The following TARBP1 variants were observed in gnomAD, a reference collection of about 807,000 sequenced individuals.
The protein encoded by TARBP1 is tRNA (guanosine(18)-2'-O)-methyltransferase TARBP1.
Under a neutral mutation model 178.6 loss-of-function variants are expected in TARBP1, and 144 were observed. The observed-to-expected ratio is 0.81, with a 90% CI of 0.70 to 0.93. The LOEUF is 0.93. Ranked by LOEUF, TARBP1 falls within the 40% of genes least tolerant of loss-of-function variation. The pLI, the probability that TARBP1 is intolerant of heterozygous loss-of-function variation, is 0.00. For missense variants in TARBP1, 2,067 were observed against 2,011.7 expected (o/e 1.03, Z -0.53); for synonymous variants, 787 against 781.0 (o/e 1.01, Z -0.13).
intron 26 of TARBP1, among the ~76,000 whole-genome samples, chr1:234,395,744 G>C (rs1017458548): frequency 1.3e-5 from 2 of 152,168 alleles, no homozygotes; most frequent in Admixed American, 1.3e-4. Context: ...TCTGGGAGAG[G>C]ATGAAGAGTG....
Position 234,427,396 on chromosome 1 carries a change from T to TA in TARBP1, c.3252-9dup, listed in dbSNP as rs759325110. 9 of 1,599,758 alleles carry TA rather than the reference T, an allele frequency of 5.6e-6. No homozygotes were observed. Among genetic ancestry groups the TA allele is most frequent in the Non-Finnish European group, 7.7e-6 (9 of 1,174,664 alleles). On this transcript the variant is annotated splice_polypyrimidine_tract_variant and intron_variant, in intron 18 of 29. Transcript: ENST00000040877. Reference sequence around the variant, plus strand: ...TGTACATCCTGAACAAGTCTTTCCATAAAAAACATTTGATAAAGAACAACA... The same window carrying TA: ...TGTACATCCTGAACAAGTCTTTCCATAAAAAAACATTTGATAAAGAACAACA...
chr1:234,479,090 A>C lies in TARBP1; in HGVS notation c.14T>G (p.Leu5Arg). MEWVLAEALLSQSRD... is the reference protein window; with the variant it reads MEWVRAEALLSQSRD... ...GCTCTGCGAGAGCAGCGCTTCCGCG[A>C]GCACCCACTCCATTTGCCGAGCGCC... Residue 5 changes from leucine to arginine, a missense_variant, in exon 1 of 30, where the codon CTC becomes CGC. Leu to Arg is a moderately radical substitution (Grantham distance 102). Coordinates refer to ENST00000040877, the MANE Select transcript of TARBP1 (RefSeq NM_005646.4). 6.5e-7 allele frequency: 1 copy of C among 1,538,274 alleles called. No homozygotes were observed. Among genetic ancestry groups the C allele is most frequent in the Non-Finnish European group, 8.7e-7 (1 of 1,155,426 alleles).
intron 25 of TARBP1, among the ~76,000 whole-genome samples, chr1:234,400,674 C>A (rs1660590392): frequency 6.6e-6 from 1 of 152,138 alleles, no homozygotes; most frequent in African/African-American, 2.4e-5. Context: ...ACATGTTAAT[C>A]ATAATAAGCA....
At chr1:234,464,911 CA>C (rs1178804061) in intron 5 of TARBP1, among the ~76,000 whole-genome samples, 4 of 152,150 alleles carry the variant, frequency 2.6e-5, no homozygotes, top group Non-Finnish European at 4.4e-5. Context: ...TCAACCTTTT[CA>C]AAACTTTAAC....
rs758430255 is a variant in TARBP1 at position 234,398,365 on chromosome 1, T to C, written c.4243+17A>G. The C allele has an allele frequency of 6.4e-7, 1 of 1,555,604 alleles. No individual in the cohort carries two copies. Among genetic ancestry groups the C allele is most frequent in the Non-Finnish European group, 8.7e-7 (1 of 1,146,838 alleles). On this transcript the variant is annotated intron_variant, in intron 26 of 29. Coordinates refer to ENST00000040877, the MANE Select transcript of TARBP1 (RefSeq NM_005646.4). ...AGATCAACAAGGGGAAAAAATAAAATGAAAATTATTTTTTACCTATGTCTT... is the reference window on the plus strand; with the variant it reads ...AGATCAACAAGGGGAAAAAATAAAACGAAAATTATTTTTTACCTATGTCTT...
intron 13 of TARBP1, among the ~76,000 whole-genome samples, chr1:234,435,685 T>G (rs72763885): frequency 0.096 from 14,637 of 152,226 alleles, 1,192 homozygotes; most frequent in East Asian, 0.32. Flanking sequence ...TCAGGTGTGG[T>G]TGAGCATATA....
intron 12 of TARBP1, among the ~76,000 whole-genome samples, chr1:234,443,194 G>A (rs370108811): frequency 5.9e-5 from 9 of 151,538 alleles, no homozygotes; most frequent in African/African-American, 2.2e-4. Context: ...GGAGGCTGAG[G>A]CAGGACAATC....
chr1:234,428,275 G>A (rs1018742524), intron 17 of TARBP1, among the ~76,000 whole-genome samples: 2 of 152,106 alleles, frequency 1.3e-5, no homozygotes, highest in African/African-American at 4.8e-5. Flanking sequence ...AGCTGCAAAT[G>A]AAAATACCTC....
At chr1:234,404,801 T>C (rs3768288) in intron 24 of TARBP1, among the ~76,000 whole-genome samples, 81,486 of 152,016 alleles carry the variant, frequency 0.54, 21,971 homozygotes, top group Non-Finnish European at 0.55. Context: ...CCTGTTTTAT[T>C]TCATGCTATT....
chr1:234,441,894 T>C (rs1475286169), intron 12 of TARBP1, among the ~76,000 whole-genome samples: 3 of 152,224 alleles, frequency 2.0e-5, no homozygotes, highest in Non-Finnish European at 4.4e-5. Context: ...TCATTCCTTT[T>C]TATGGCTGAG....
intron 6 of TARBP1, among the ~76,000 whole-genome samples, chr1:234,463,150 G>C (rs1359913035): frequency 6.6e-6 from 1 of 151,816 alleles, no homozygotes; most frequent in Non-Finnish European, 1.5e-5. Context: ...TTTTGAGACA[G>C]TCTTGCTCTG....
At chr1:234,405,132 A>G (rs1572222254) in intron 24 of TARBP1, among the ~76,000 whole-genome samples, 1 of 152,196 alleles carries the variant, frequency 6.6e-6, no homozygotes, top group Non-Finnish European at 1.5e-5. Flanking sequence ...CCATTTGTGT[A>G]TATAAATTAG....
At position 234,467,665 on chromosome 1, in the gene TARBP1, A is replaced by T. The variant is rs768755043; in HGVS notation, c.1100-15T>A. On this transcript the variant is annotated splice_polypyrimidine_tract_variant and intron_variant, in intron 3 of 29. Coordinates refer to ENST00000040877, the MANE Select transcript of TARBP1 (RefSeq NM_005646.4). Reference sequence around the variant, plus strand: ...GAGCCAACATCCTGTGGAAACAAACATCAAATGTTGACATCTGATTCTGTC... The same window carrying T: ...GAGCCAACATCCTGTGGAAACAAACTTCAAATGTTGACATCTGATTCTGTC... 1 of 1,563,698 alleles carries T rather than the reference A, an allele frequency of 6.4e-7. No homozygotes were observed. The highest frequency in any genetic ancestry group is 8.6e-7 in the Non-Finnish European group (1 of 1,160,470).
chr1:234,424,725 A>T lies in TARBP1; in HGVS notation c.3444+948T>A, dbSNP rs541636796. On this transcript the variant is annotated intron_variant, in intron 20 of 29. Transcript: ENST00000040877. ...AGGATCACTTGAGGCCAGGAGTTCGAGACCATTCTGACCAACATGGTGAAA... is the reference window on the plus strand; with the variant it reads ...AGGATCACTTGAGGCCAGGAGTTCGTGACCATTCTGACCAACATGGTGAAA... Among the ~76,000 whole-genome samples the T allele has an allele frequency of 3.3e-5, 5 of 152,296 alleles. No homozygotes were observed. The East Asian group carries it at 9.7e-4, about 29-fold the overall frequency.
At chr1:234,426,725 C>CA (rs1663817016) in intron 19 of TARBP1, among the ~76,000 whole-genome samples, 2 of 151,894 alleles carry the variant, frequency 1.3e-5, no homozygotes, top group African/African-American at 2.4e-5. Context: ...TGACAAGCTC[C>CA]AAAAAAATTA....
Position 234,433,173 on chromosome 1 carries a change from G to A in TARBP1, c.2394+237C>T, listed in dbSNP as rs140625296. 7.7e-3 allele frequency among the ~76,000 whole-genome samples: 1,176 copies of A among 152,250 alleles called. 12 individuals are homozygous for A. The highest frequency in any genetic ancestry group is 0.027 in the African/African-American group (1,125 of 41,534). The stretch of plus-strand genomic sequence containing the variant: ...GAATCACTTGAACCCAGGAGGTGGA[G>A]GTTGCAGTGAGCCAAGATGGTACCA... On this transcript the variant is annotated intron_variant, in intron 14 of 29. Coordinates refer to ENST00000040877, the MANE Select transcript of TARBP1 (RefSeq NM_005646.4).
intron 6 of TARBP1, among the ~76,000 whole-genome samples, chr1:234,462,687 C>CAAAAAAA (rs35604890): frequency 2.5e-4 from 26 of 102,670 alleles, no homozygotes; most frequent in East Asian, 8.3e-4. Flanking sequence ...GACTTCATCT[C>CAAAAAAA]AAAAAAAAAA....
At chr1:234,420,121 T>G (rs919308920) in intron 21 of TARBP1, among the ~76,000 whole-genome samples, 4 of 152,222 alleles carry the variant, frequency 2.6e-5, no homozygotes, top group African/African-American at 9.6e-5. Flanking sequence ...CAAAGATGGT[T>G]AGAAAAATCA....
rs77160133 is a variant in TARBP1 at position 234,458,706 on chromosome 1, C to T, written c.1632+524G>A. Among the ~76,000 whole-genome samples, 1,492 of 152,174 alleles carry T rather than the reference C, an allele frequency of 9.8e-3. 26 individuals are homozygous for T. Among genetic ancestry groups the T allele is most frequent in the African/African-American group, 0.034 (1,420 of 41,510 alleles). On this transcript the variant is annotated intron_variant, in intron 8 of 29. Transcript: ENST00000040877. ...CACACCATATATATTCCTTGAATGT[C>T]GATACAGGGGAAGATGAGGGGAAAT...
Sources: gnomAD v4.1 joint callset for allele counts (sites outside exome capture counted in the v4.1 genomes callset) on GRCh38, gnomAD v4.1.1 for gene constraint, MANE v1.5 for transcripts, NCBI Gene and HGNC (gene_info 2026-07-23, HGNC 2026-07-21) for gene names.